CR1: variants seen among roughly 807,000 people sequenced by gnomAD.
The protein encoded by CR1 is complement C3b/C4b receptor 1 (Knops blood group).
CR1 carries 116 observed loss-of-function variants against 187.3 expected under a neutral mutation model. The observed-to-expected ratio is 0.62, with a 90% confidence interval of 0.53 to 0.72. The LOEUF (loss-of-function observed/expected upper bound fraction) is 0.72. Ranked by LOEUF, CR1 falls within the 30% of genes least tolerant of loss-of-function variation. CR1 has a pLI of 0.00. For missense variants in CR1, 1,731 were observed against 2,110.7 expected, an observed-to-expected ratio of 0.82 and a Z score of 3.52; for synonymous variants, 576 against 747.1, an observed-to-expected ratio of 0.77 and a Z score of 3.73.
chr1:207,574,185 T>G (rs942128250), intron 27 of CR1, among the ~76,000 whole-genome samples: 1 of 152,020 alleles, frequency 6.6e-6, no homozygotes, highest in Non-Finnish European at 1.5e-5. Context: ...TCAAAATACA[T>G]GTAGCAAAAA....
At chr1:207,617,612 T>TATATAG (rs1662180575) in intron 41 of CR1, among the ~76,000 whole-genome samples, 1 of 22,088 alleles carries the variant, frequency 4.5e-5, no homozygotes, top group Non-Finnish European at 8.5e-5. Context: ...TATATATATA[T>TATATAG]AGAGAGAGAG....
intron 4 of CR1, 142 bp from the exon 5 acceptor site, chr1:207,523,469 C>A (rs1457614512): frequency 3.5e-6 from 5 of 1,413,696 alleles, no homozygotes; most frequent in African/African-American, 2.9e-5. Flanking sequence ...GAAGCTACAA[C>A]TTTATAAAAA....
At chr1:207,565,066 T>TTC in intron 23 of CR1, among the ~76,000 whole-genome samples, 1 of 149,958 alleles carries the variant, frequency 6.7e-6, no homozygotes, top group Non-Finnish European at 1.5e-5. Flanking sequence ...GCTGTTAATA[T>TTC]TCCCAGCAAG....
chr1:207,602,312 C>A (rs770722018), intron 35 of CR1, among the ~76,000 whole-genome samples: 4 of 151,728 alleles, frequency 2.6e-5, no homozygotes, highest in Non-Finnish European at 4.4e-5. Context: ...TTAAAGTTTG[C>A]CAAAGATTAC....
At chr1:207,565,046 C>T (rs1016709104) in intron 23 of CR1, among the ~76,000 whole-genome samples, 5 of 149,892 alleles carry the variant, frequency 3.3e-5, no homozygotes, top group South Asian at 2.1e-4. Context: ...GAGCTGGGGT[C>T]GTGATGGCTG....
intron 5 of CR1, 80 bp downstream of exon 5, chr1:207,524,089 G>C (rs1455480103): frequency 6.2e-7 from 1 of 1,611,160 alleles, no homozygotes; most frequent in African/African-American, 1.3e-5. Flanking sequence ...TTTGTTCAGG[G>C]GGAGGGATGT....
chr1:207,586,615 A>G (rs1000821002), intron 33 of CR1, among the ~76,000 whole-genome samples: 1 of 152,198 alleles, frequency 6.6e-6, no homozygotes, highest in Admixed American at 6.5e-5. Flanking sequence ...CCCATCTTCT[A>G]AGGCTCTGGA....
chr1:207,513,600 C>T (rs749103562), intron 4 of CR1, among the ~76,000 whole-genome samples: 4 of 152,172 alleles, frequency 2.6e-5, no homozygotes, highest in East Asian at 1.9e-4. Context: ...AGTCCAGAAC[C>T]GTACAGAGAA....
chr1:207,514,080 A>T (rs1659710771), intron 4 of CR1, among the ~76,000 whole-genome samples: 1 of 152,072 alleles, frequency 6.6e-6, no homozygotes, highest in Non-Finnish European at 1.5e-5. Context: ...ACATATATTG[A>T]TGTAATCATA....
rs753954835 is a variant in CR1, at chr1:207,609,484, C to T, written c.6091C>T (p.Pro2031Ser). The T allele has an allele frequency of 1.2e-6, 2 of 1,613,906 alleles. No individual in the cohort carries two copies. The highest frequency in any genetic ancestry group is 3.3e-5 in the Admixed American group (2 of 59,998). Residue 2031 changes from proline (P) to serine (S), a missense_variant, in exon 37 of 47, where the codon CCT becomes TCT. By Grantham distance (74) the Pro-to-Ser change is moderately conservative. Coordinates refer to ENST00000367049, the MANE Select transcript of CR1 (RefSeq NM_000651.6). ...KDDQVGVWSS[P>S]PPRCISTNKC... ...TGATCAAGTTGGTGTTTGGAGCAGC[C>T]CTCCCCCTCGGTGTATTTCTACTAA...
chr1:207,580,170 A>G (rs1258605409), intron 29 of CR1, 70 bp from the exon 30 acceptor site: 7 of 1,577,828 alleles, frequency 4.4e-6, no homozygotes, highest in Non-Finnish European at 6.0e-6. Flanking sequence ...CTGACTAGCT[A>G]TGAGGTCTTC....
intron 4 of CR1, among the ~76,000 whole-genome samples, chr1:207,522,344 A>G (rs114953760): frequency 0.015 from 2,341 of 152,212 alleles, 71 homozygotes; most frequent in African/African-American, 0.054. Flanking sequence ...TTTTCAGTTA[A>G]CCCTGATTAC....
At chr1:207,496,720 C>G (rs1246926397) in intron 1 of CR1, among the ~76,000 whole-genome samples, 7 of 152,202 alleles carry the variant, frequency 4.6e-5, no homozygotes, top group Non-Finnish European at 1.0e-4. Flanking sequence ...ATAGCCAAGA[C>G]GTGGCGTTGA....
rs1330500463 is a variant in CR1 at position 207,607,302 on chromosome 1, T to C, written c.5862T>C (p.Asn1954=). Residue 1954 remains asparagine, a synonymous_variant, in exon 36 of 47, where the codon AAT becomes AAC. Transcript: ENST00000367049. ...PSTTCLVSGN[N]VTWDKKAPIC... is the part of the protein sequence containing the mutation. ...CTACTTGTCTCGTCTCAGGCAATAA[T>C]GTCACATGGGATAAGAAGGCACCTA... 11 of 1,613,472 alleles carry C rather than the reference T, an allele frequency of 6.8e-6. No homozygotes were observed. Among genetic ancestry groups the C allele is most frequent in the Non-Finnish European group, 7.6e-6 (9 of 1,179,544 alleles).
intron 1 of CR1, among the ~76,000 whole-genome samples, chr1:207,503,426 C>T (rs773448423): frequency 1.3e-5 from 2 of 152,174 alleles, no homozygotes; most frequent in African/African-American, 2.4e-5. Flanking sequence ...TGGAGGCTGA[C>T]GTCTAAAATA....
chr1:207,633,876 G>A (rs370000846), intron 46 of CR1, among the ~76,000 whole-genome samples: 11 of 152,254 alleles, frequency 7.2e-5, no homozygotes, highest in African/African-American at 1.4e-4. Context: ...GGGTGGGGCC[G>A]TTTTATAAGA....
rs752022102 is a variant in CR1, at chr1:207,623,009, G to A, written c.7293G>A (p.Thr2431=). The change falls in exon 45 of 47, where the codon ACG becomes ACA. Residue 2431 remains threonine, a synonymous_variant. Transcript: ENST00000367049. The part of the protein sequence containing the change: ...DALIVGTLSG[T]IFFILLIIFL... ...ACTGCCTAGGCACTTTATCTGGTAC[G>A]ATCTTCTTTATTTTACTCATCATTT... 6 of 1,576,130 alleles carry A rather than the reference G, an allele frequency of 3.8e-6. No individual in the cohort carries two copies. The highest frequency in any genetic ancestry group is 2.3e-5 in the South Asian group (2 of 86,300).
In CR1 at chr1:207,640,657, T is replaced by C. The variant is rs1439897602; in HGVS notation, c.*1248T>C. 6.6e-6 allele frequency: 1 copy of C among 152,246 alleles called. No individual in the cohort carries two copies. The highest frequency in any genetic ancestry group is 6.5e-5 in the Admixed American group (1 of 15,290). 9.4% of individuals were successfully genotyped at this position (152,246 alleles called of 1,614,324 possible). A position where few individuals can be genotyped will look rare whatever the true frequency, so the allele number is the denominator to read the frequency against. Reference sequence around the variant, plus strand: ...GATATTTTTAAAATAAGTGACCTTGTGTTCTTTAACCAGTCCACATCTTTA... The same window carrying C: ...GATATTTTTAAAATAAGTGACCTTGCGTTCTTTAACCAGTCCACATCTTTA... On this transcript the variant is annotated 3_prime_UTR_variant, in exon 47 of 47. Coordinates refer to ENST00000367049, the MANE Select transcript of CR1 (RefSeq NM_000651.6).
intron 35 of CR1, among the ~76,000 whole-genome samples, chr1:207,604,389 T>G (rs1318531991): frequency 6.6e-6 from 1 of 152,228 alleles, no homozygotes; most frequent in Non-Finnish European, 1.5e-5. Flanking sequence ...CCTCAATGTA[T>G]GTCTATAGAA....
Sources: allele counts gnomAD v4.1 joint callset (sites outside exome capture counted in the v4.1 genomes callset), GRCh38; gene constraint gnomAD v4.1.1; transcripts MANE v1.5; gene names NCBI Gene and HGNC (gene_info 2026-07-23, HGNC 2026-07-21).